Variants in VEZT observed in about 807,000 individuals in gnomAD.
VEZT encodes the protein vezatin.
VEZT carries 39 observed loss-of-function variants against 79.9 expected under a neutral mutation model. The observed-to-expected ratio is 0.49, with a 90% CI of 0.38 to 0.64. The LOEUF (loss-of-function observed/expected upper bound fraction) is 0.64. VEZT is among the 30% of genes least tolerant of loss of function. The probability of loss-of-function intolerance (pLI) is 0.00; values close to 1 mark genes in which losing one functional copy is unlikely to be tolerated. For missense variants in VEZT, 837 were observed against 893.1 expected, an observed-to-expected ratio of 0.94 and a Z score of 0.80; for synonymous variants, 325 against 327.6, an observed-to-expected ratio of 0.99 and a Z score of 0.09.
In VEZT at chr12:95,245,159, G is replaced by A. The variant is rs1294377902; in HGVS notation, c.37-6781G>A. On this transcript the variant is annotated intron_variant, in intron 1 of 11. Coordinates refer to ENST00000436874, the MANE Select transcript of VEZT (RefSeq NM_017599.4). ...TGAAGCAGGAGAATCACTTGAACCCGGGAGGTGGAGGTTGCAGTGAGCCAA... is the reference window on the plus strand; with the variant it reads ...TGAAGCAGGAGAATCACTTGAACCCAGGAGGTGGAGGTTGCAGTGAGCCAA... Among the ~76,000 whole-genome samples, 6 of 152,132 alleles carry A rather than the reference G, an allele frequency of 3.9e-5. No homozygotes were observed. In the South Asian group the frequency reaches 6.2e-4, roughly 16 times the overall value.
intron 7 of VEZT, among the ~76,000 whole-genome samples, chr12:95,278,772 C>T (rs1362758927): frequency 2.6e-5 from 4 of 152,142 alleles, no homozygotes; most frequent in Admixed American, 1.3e-4. Context: ...CTTATCCAGG[C>T]GTGAGTCTTA....
intron 3 of VEZT, among the ~76,000 whole-genome samples, chr12:95,259,483 C>G (rs1033866328): frequency 6.6e-6 from 1 of 152,192 alleles, no homozygotes; most frequent in Non-Finnish European, 1.5e-5. Flanking sequence ...CATAACAACC[C>G]TGTGAAGTAG....
chr12:95,226,329 C>T (rs915670958), intron 1 of VEZT, among the ~76,000 whole-genome samples: 2 of 151,484 alleles, frequency 1.3e-5, no homozygotes, highest in African/African-American at 4.8e-5. Context: ...AGAGATTGAA[C>T]AAGCCAAGCC....
intron 5 of VEZT, among the ~76,000 whole-genome samples, chr12:95,267,993 G>A (rs1175563899): frequency 1.3e-5 from 2 of 152,036 alleles, no homozygotes; most frequent in African/African-American, 4.8e-5. Flanking sequence ...CTGCACTCCA[G>A]TTTGGGCAAC....
At chr12:95,283,277 A>G (rs1646743183) in intron 8 of VEZT, among the ~76,000 whole-genome samples, 1 of 152,202 alleles carries the variant, frequency 6.6e-6, no homozygotes, top group South Asian at 2.1e-4. Context: ...TACTATTTTC[A>G]CATATTTGTA....
intron 1 of VEZT, among the ~76,000 whole-genome samples, chr12:95,247,547 A>G (rs1032807538): frequency 3.9e-5 from 6 of 152,150 alleles, no homozygotes; most frequent in African/African-American, 1.2e-4. Context: ...ATTTTCAAGT[A>G]AAATAATAAG....
intron 6 of VEZT, among the ~76,000 whole-genome samples, chr12:95,274,485 G>A (rs887692003): frequency 2.0e-5 from 3 of 151,946 alleles, no homozygotes; most frequent in Admixed American, 1.3e-4. Flanking sequence ...AATAAATAAC[G>A]TATCACTTTA....
Position 95,282,334 on chromosome 12 carries a change from G to C in VEZT, c.1018G>C (p.Ala340Pro). The part of the protein sequence containing the change: ...ALKVLFQLWV[A>P]QSSEFFRRLA... ...TAAGGTTTTGTTCCAACTCTGGGTG[G>C]CACAGAGTTCAGAGTTCTTCAGACG... The change falls in exon 8 of 12, where the codon GCA (alanine) becomes CCA (proline). Residue 340 changes from alanine to proline, a missense_variant. Physicochemically the swap from Ala to Pro is conservative, Grantham distance 27 (BLOSUM62 -1). Transcript: ENST00000436874. 1.2e-6 allele frequency: 2 copies of C among 1,611,478 alleles called. No homozygotes were observed. Among genetic ancestry groups the C allele is most frequent in the South Asian group, 1.1e-5 (1 of 90,550 alleles).
chr12:95,252,133 A>G, intron 2 of VEZT, 62 bp downstream of exon 2: 10 of 1,537,526 alleles, frequency 6.5e-6, no homozygotes, highest in Non-Finnish European at 8.7e-6. Context: ...CTGGCTATTC[A>G]GATACTTCTT....
rs531244717 is a variant in VEZT, at chr12:95,282,601, G to A, written c.1285G>A (p.Ala429Thr). 1.9e-6 allele frequency: 3 copies of A among 1,611,120 alleles called. No individual in the cohort carries two copies. Among genetic ancestry groups the A allele is most frequent in the Non-Finnish European group, 2.5e-6 (3 of 1,177,812 alleles). Residue 429 changes from alanine (A) to threonine (T), a missense_variant, in exon 8 of 12, where the codon GCA (alanine) becomes ACA (threonine). By Grantham distance (58) the Ala-to-Thr change is moderately conservative. Transcript: ENST00000436874. ...KSRELNNVHT[A>T]VRSLQLHLKA... ...AAGAGAACTGAATAATGTTCACACA[G>A]CAGTGCGTAGCTTGCAGCTCCATCT...
In VEZT at chr12:95,300,884, T is replaced by C. The variant is rs1174795774; in HGVS notation, c.*211T>C. On this transcript the variant is annotated 3_prime_UTR_variant, in exon 12 of 12. Transcript: ENST00000436874. ...AGGAAAATAAGAGAAAGGTAAGGGC[T>C]CTTTTGAATAAACTGCTGTTTTATT... 4.4e-6 allele frequency: 2 copies of C among 457,296 alleles called. No homozygotes were observed. Among genetic ancestry groups the C allele is most frequent in the Non-Finnish European group, 6.9e-6 (2 of 288,782 alleles). The allele number at this position is 457,296 out of a possible 1,614,324, so 28.3% of individuals were successfully genotyped here.
intron 1 of VEZT, chr12:95,224,364 A>G (rs1350236876): frequency 7.1e-6 from 3 of 420,942 alleles, no homozygotes; most frequent in Non-Finnish European, 1.4e-5. Flanking sequence ...CCTAGGCTGG[A>G]ATGCAGTGTT....
At chr12:95,291,187 C>T (rs2072686096) in intron 9 of VEZT, among the ~76,000 whole-genome samples, 1 of 152,176 alleles carries the variant, frequency 6.6e-6, no homozygotes, top group Admixed American at 6.5e-5. Context: ...GCCATGATTG[C>T]ACAACTGCAC....
intron 8 of VEZT, chr12:95,286,850 G>A: frequency 2.1e-6 from 1 of 472,506 alleles, no homozygotes; most frequent in Admixed American, 2.4e-5. Flanking sequence ...TTTTATTGCA[G>A]ACCTGAAGAG....
intron 6 of VEZT, among the ~76,000 whole-genome samples, chr12:95,273,142 CT>C (rs2066960719): frequency 6.6e-6 from 1 of 151,934 alleles, no homozygotes; most frequent in Non-Finnish European, 1.5e-5. Context: ...AAGAAAACAC[CT>C]GGTTTATATG....
At chr12:95,280,155 T>G (rs1330021156) in intron 7 of VEZT, among the ~76,000 whole-genome samples, 1 of 152,076 alleles carries the variant, frequency 6.6e-6, no homozygotes, top group Non-Finnish European at 1.5e-5. Context: ...TCCTATAATC[T>G]CTCAACTCAG....
chr12:95,224,446 T>G (rs2058112999), intron 1 of VEZT, among the ~76,000 whole-genome samples: 1 of 152,132 alleles, frequency 6.6e-6, no homozygotes, highest in Non-Finnish European at 1.5e-5. Context: ...CTCAAGTAGC[T>G]GGGACTACAG....
chr12:95,237,063 A>G lies in VEZT; in HGVS notation c.37-14877A>G, dbSNP rs531977674. 5.5e-4 allele frequency among the ~76,000 whole-genome samples: 84 copies of G among 152,368 alleles called. 1 individual carries two copies. The highest frequency in any genetic ancestry group is 9.4e-4 in the Non-Finnish European group (64 of 68,040). On this transcript the variant is annotated intron_variant, in intron 1 of 11. Coordinates refer to ENST00000436874, the MANE Select transcript of VEZT (RefSeq NM_017599.4). ...TTCTAGTTAAATAAAACAACTATAC[A>G]CAGTACTACATTAGACCAAATTAAT...
chr12:95,294,731 A>G (rs2073770851), intron 10 of VEZT, among the ~76,000 whole-genome samples: 1 of 152,160 alleles, frequency 6.6e-6, no homozygotes. Context: ...TTTAAAAACA[A>G]TTTTTTAATG....
Sources: allele counts gnomAD v4.1 joint callset (sites outside exome capture counted in the v4.1 genomes callset), GRCh38; gene constraint gnomAD v4.1.1; transcripts MANE v1.5; gene names NCBI Gene and HGNC (gene_info 2026-07-23, HGNC 2026-07-21).